The following CNTN3 variants were observed in gnomAD, a reference collection of about 807,000 sequenced individuals.
CNTN3 encodes the protein contactin-3.
CNTN3 carries 60 observed loss-of-function variants against 119.1 expected under a neutral mutation model. That is an observed-to-expected ratio of 0.50 (90% CI 0.41 to 0.62). The LOEUF is 0.62. Ranked by LOEUF, CNTN3 falls within the 20% of genes least tolerant of loss-of-function variation. The pLI is 0.00. For synonymous variants in CNTN3, 450 were observed against 438.7 expected (o/e 1.03, Z -0.32); for missense variants, 1,101 against 1,242.4 (o/e 0.89, Z 1.71).
Position 74,334,823 on chromosome 3 carries a change from G to A in CNTN3, c.1580C>T (p.Pro527Leu), listed in dbSNP as rs199555851. The A allele has an allele frequency of 2.6e-4, 420 of 1,613,202 alleles. No homozygotes were observed. The highest frequency in any genetic ancestry group is 3.4e-4 in the Non-Finnish European group (406 of 1,179,498). ...CCAGGTAAAGATGATGTCTAACAGC[G>A]GGTCATGTTGTACCTGGCAGGGCAA... ...VILPCQVQHDPLLDIIFTWYF... is the reference protein window; with the variant it reads ...VILPCQVQHDLLLDIIFTWYF... Residue 527 changes from proline (P) to leucine (L), a missense_variant, in exon 13 of 23, where the codon CCG becomes CTG. By Grantham distance (98) the Pro-to-Leu change is moderately conservative (BLOSUM62 -3). Transcript: ENST00000263665.
intron 19 of CNTN3, among the ~76,000 whole-genome samples, chr3:74,291,446 T>A (rs1303745929): frequency 3.9e-5 from 6 of 152,170 alleles, no homozygotes; most frequent in Non-Finnish European, 5.9e-5. Context: ...AAATGGTATT[T>A]CTAGTTCTAG....
chr3:74,579,439 T>C (rs1579905), intron 1 of CNTN3, among the ~76,000 whole-genome samples: 94,958 of 151,578 alleles, frequency 0.63, 29,747 homozygotes, highest in Admixed American at 0.64. Flanking sequence ...CAGGCATTTA[T>C]GGAATACCAA....
chr3:74,428,845 A>G (rs997246828), intron 4 of CNTN3, among the ~76,000 whole-genome samples: 3 of 152,122 alleles, frequency 2.0e-5, no homozygotes, highest in African/African-American at 7.2e-5. Context: ...ACCGTTTCCT[A>G]TCTTTTATAT....
chr3:74,552,361 T>A (rs1704004577), intron 1 of CNTN3, among the ~76,000 whole-genome samples: 1 of 152,306 alleles, frequency 6.6e-6, no homozygotes, highest in East Asian at 1.9e-4. Flanking sequence ...GCCTCATTTT[T>A]TAGGAGACTG....
chr3:74,313,589 A>T (rs1170591456), intron 13 of CNTN3, among the ~76,000 whole-genome samples: 3 of 152,180 alleles, frequency 2.0e-5, no homozygotes, highest in Admixed American at 2.0e-4. Context: ...AGACATACAA[A>T]TTTATTTTCT....
At chr3:74,283,292 T>C (rs1702050966) in intron 20 of CNTN3, among the ~76,000 whole-genome samples, 1 of 152,098 alleles carries the variant, frequency 6.6e-6, no homozygotes, top group Non-Finnish European at 1.5e-5. Context: ...GCTAATACCT[T>C]CAAGTCATGA....
At position 74,552,787 on chromosome 3, in the gene CNTN3, T is replaced by C. The variant is rs1482576978; in HGVS notation, c.-80-31595A>G. Reference sequence around the variant, plus strand: ...GTGAGTGAGCTCTCACAAGATCTGATGGTTTTATAACTGACAGTTCCTCCT... The same window carrying C: ...GTGAGTGAGCTCTCACAAGATCTGACGGTTTTATAACTGACAGTTCCTCCT... On this transcript the variant is annotated intron_variant, in intron 1 of 22. Coordinates refer to ENST00000263665, the MANE Select transcript of CNTN3 (RefSeq NM_020872.3). 2.9e-4 allele frequency among the ~76,000 whole-genome samples: 5 copies of C among 17,072 alleles called. No individual in the cohort carries two copies. In the Admixed American group the frequency reaches 4.3e-3, roughly 15 times the overall value. The allele number at this position is 17,072 out of a possible 152,430, so 11.2% of individuals were successfully genotyped here.
At chr3:74,438,000 T>C (rs1701900385) in intron 4 of CNTN3, among the ~76,000 whole-genome samples, 1 of 152,200 alleles carries the variant, frequency 6.6e-6, no homozygotes, top group African/African-American at 2.4e-5. Context: ...CTGTACTGGG[T>C]ATGCCATAGA....
intron 19 of CNTN3, among the ~76,000 whole-genome samples, chr3:74,292,550 GA>G (rs1702252843): frequency 6.6e-6 from 1 of 152,110 alleles, no homozygotes; most frequent in Non-Finnish European, 1.5e-5. Context: ...TGGGCAACAA[GA>G]GCGAAAACTC....
intron 1 of CNTN3, among the ~76,000 whole-genome samples, chr3:74,567,553 A>G (rs1704246920): frequency 6.6e-6 from 1 of 151,992 alleles, no homozygotes; most frequent in Non-Finnish European, 1.5e-5. Context: ...ATACCACTTT[A>G]AGCACTAGAG....
At chr3:74,363,482 T>C (rs1211605905) in intron 10 of CNTN3, among the ~76,000 whole-genome samples, 1 of 152,178 alleles carries the variant, frequency 6.6e-6, no homozygotes, top group Non-Finnish European at 1.5e-5. Flanking sequence ...CAGACATTTC[T>C]AAATTTCCCT....
intron 3 of CNTN3, among the ~76,000 whole-genome samples, chr3:74,490,041 T>C (rs1038649329): frequency 6.6e-6 from 1 of 152,166 alleles, no homozygotes; most frequent in South Asian, 2.1e-4. Context: ...ATGCTTTTAG[T>C]CCTCTCCTTT....
chr3:74,354,858 G>A (rs934128971), intron 11 of CNTN3, among the ~76,000 whole-genome samples: 6 of 152,114 alleles, frequency 3.9e-5, no homozygotes, highest in Non-Finnish European at 8.8e-5. Flanking sequence ...AAATGAGGCT[G>A]TAACACAGTT....
intron 4 of CNTN3, among the ~76,000 whole-genome samples, chr3:74,468,712 G>A (rs572392181): frequency 2.0e-5 from 3 of 152,234 alleles, no homozygotes; most frequent in South Asian, 2.1e-4. Flanking sequence ...ACTGCAGTTC[G>A]ACACAGGAAT....
chr3:74,319,204 C>T (rs1702917344), intron 13 of CNTN3, among the ~76,000 whole-genome samples: 1 of 152,142 alleles, frequency 6.6e-6, no homozygotes, highest in Admixed American at 6.5e-5. Context: ...GCCGGCGTCG[C>T]CAAGTCAATC....
At chr3:74,439,975 C>G (rs1206302206) in intron 4 of CNTN3, among the ~76,000 whole-genome samples, 3 of 152,124 alleles carry the variant, frequency 2.0e-5, no homozygotes, top group Non-Finnish European at 4.4e-5. Flanking sequence ...ATAACACCTA[C>G]CCAGGAACCC....
intron 5 of CNTN3, among the ~76,000 whole-genome samples, chr3:74,415,648 TAC>T (rs1701507778): frequency 6.6e-6 from 1 of 152,164 alleles, no homozygotes; most frequent in Non-Finnish European, 1.5e-5. Context: ...CAGAATGATA[TAC>T]AGACACAAGC....
intron 4 of CNTN3, among the ~76,000 whole-genome samples, chr3:74,462,136 T>A (rs1026423836): frequency 6.6e-6 from 1 of 152,086 alleles, no homozygotes; most frequent in Non-Finnish European, 1.5e-5. Flanking sequence ...TTCATCCTGC[T>A]CCAGCTACTT....
At chr3:74,550,185 A>G (rs1161614663) in intron 1 of CNTN3, among the ~76,000 whole-genome samples, 2 of 152,162 alleles carry the variant, frequency 1.3e-5, no homozygotes, top group Admixed American at 6.6e-5. Flanking sequence ...CTCATCTTCA[A>G]TAAGGGTGAT....
Sources: allele counts gnomAD v4.1 joint callset (sites outside exome capture counted in the v4.1 genomes callset), GRCh38; gene constraint gnomAD v4.1.1; transcripts MANE v1.5; gene names NCBI Gene and HGNC (gene_info 2026-07-23, HGNC 2026-07-21).